The following DLG4 variants were observed in gnomAD, a reference collection of about 807,000 sequenced individuals.
DLG4 encodes discs large MAGUK scaffold protein 4, also known as disks large homolog 4.
In DLG4, 7 loss-of-function variants were observed where a neutral mutation model predicts 93.8. That is an observed-to-expected ratio of 0.07 (90% CI 0.04 to 0.14). The LOEUF (loss-of-function observed/expected upper bound fraction) is 0.14. DLG4 is among the 10% of genes least tolerant of loss of function. The probability of loss-of-function intolerance (pLI) is 1.00; values close to 1 mark genes in which losing one functional copy is unlikely to be tolerated. For synonymous variants in DLG4, 341 were observed against 387.6 expected, an observed-to-expected ratio of 0.88 and a Z score of 1.41; for missense variants, 545 against 992.9, an observed-to-expected ratio of 0.55 and a Z score of 6.06.
rs890784233 is a variant in DLG4 at position 7,189,235 on chromosome 17, T to C, written c.*1473A>G. Among the ~76,000 whole-genome samples, 1 of 151,520 alleles carries C rather than the reference T, an allele frequency of 6.6e-6. No individual in the cohort carries two copies. Among genetic ancestry groups the C allele is most frequent in the African/African-American group, 2.4e-5 (1 of 41,186 alleles). ...GGCCAGGCGCGGTGGCTCACGCCTG[T>C]AATCCCAGCACTTTGGGAGGCTGAG... On this transcript the variant is annotated 3_prime_UTR_variant, in exon 20 of 20. Coordinates refer to ENST00000399506, the MANE Select transcript of DLG4 (RefSeq NM_001321075.3).
rs2069522915 is a variant in DLG4 at position 7,191,964 on chromosome 17, C to T, written c.1905G>A (p.Val635=). Residue 635 remains valine, a synonymous_variant, in exon 18 of 20, where the codon GTG becomes GTA. Coordinates refer to ENST00000399506, the MANE Select transcript of DLG4 (RefSeq NM_001321075.3). This position sits in a 1 kb window ranked among gnomAD's most constrained non-coding sequence, Gnocchi z 6.6. ...GCAGGTGGGCCGCCTGCAGCCGCCGCACGGCATTGGCCGAGACATCGAGGA... is the reference window on the plus strand; with the variant it reads ...GCAGGTGGGCCGCCTGCAGCCGCCGTACGGCATTGGCCGAGACATCGAGGA... The part of the protein sequence containing the change: ...HCILDVSANA[V]RRLQAAHLHP... 1 of 1,481,358 alleles carries T rather than the reference C, an allele frequency of 6.8e-7. No individual in the cohort carries two copies. The allele number at this position is 1,481,358 out of a possible 1,614,324, so 91.8% of individuals were successfully genotyped here.
rs1229833331 is a variant in DLG4, at chr17:7,196,224, T to C, written c.1297A>G (p.Ile433Val). ...LRSNPKRGFY[I>V]RALFDYDKTK... Reference sequence around the variant, plus strand: ...CCAGCCCGGGAAGCCTCTGACCTGATGTAGAAACCCCTTTTGGGGTTGCTC... The same window carrying C: ...CCAGCCCGGGAAGCCTCTGACCTGACGTAGAAACCCCTTTTGGGGTTGCTC... The change falls in exon 11 of 20, where the codon ATC becomes GTC. Residue 433 changes from isoleucine to valine, a missense_variant. By Grantham distance (29) the Ile-to-Val change is conservative. Transcript: ENST00000399506. The surrounding 1 kb of genome is among the most constrained non-coding windows in gnomAD (Gnocchi z 8.3). 6.2e-7 allele frequency: 1 copy of C among 1,613,028 alleles called. No homozygotes were observed. The highest frequency in any genetic ancestry group is 8.5e-7 in the Non-Finnish European group (1 of 1,179,188).
chr17:7,200,854 T>TG (rs2070088382), intron 8 of DLG4, among the ~76,000 whole-genome samples: 1 of 133,144 alleles, frequency 7.5e-6, no homozygotes, highest in Admixed American at 7.5e-5. Context: ...CAGCCTGTTT[T>TG]GGTTTTTTTT....
upstream of DLG4, chr17:7,219,921 T>TGCAGGACGC (rs1555527390): frequency 1.7e-5 from 26 of 1,555,298 alleles, no homozygotes; most frequent in African/African-American, 6.7e-5. Context: ...CGCCAGGACG[T>TGCAGGACGC]GGGCGTGCAG....
chr17:7,193,950 C>T lies in DLG4; in HGVS notation c.1515+14G>A, dbSNP rs759109334. ...CTCACACTTCCACCCAGGCTCACAC[C>T]CTCCTCCACCTACCTTGGCCTTTAA... On this transcript the variant is annotated intron_variant, in intron 13 of 19. Transcript: ENST00000399506. This position sits in a 1 kb window ranked among gnomAD's most constrained non-coding sequence, Gnocchi z 6.7. 1 of 1,613,758 alleles carries T rather than the reference C, an allele frequency of 6.2e-7. No individual in the cohort carries two copies.
In DLG4 at chr17:7,204,026, C is replaced by T. The variant is rs769751994; in HGVS notation, c.192G>A (p.Glu64=). The T allele has an allele frequency of 8.1e-6, 13 of 1,611,406 alleles. No homozygotes were observed. The highest frequency in any genetic ancestry group is 1.0e-5 in the Non-Finnish European group (12 of 1,178,926). ...VNGTEGEMEY[E]EITLERGNSG... is the part of the protein sequence containing the mutation. Reference sequence around the variant, plus strand: ...TGCTCACCCTTTCCAATGTGATTTCCTCGTATTCCATCTCCCCCTCGGTCC... The same window carrying T: ...TGCTCACCCTTTCCAATGTGATTTCTTCGTATTCCATCTCCCCCTCGGTCC... Residue 64 remains glutamate (E), a synonymous_variant, in exon 4 of 20, where the codon GAG becomes GAA. Transcript: ENST00000399506.
chr17:7,216,819 C>T (rs1010549201), intron 1 of DLG4, among the ~76,000 whole-genome samples: 6 of 151,986 alleles, frequency 3.9e-5, no homozygotes, highest in African/African-American at 1.5e-4. Context: ...CAGGCTTCTC[C>T]TTAAATAAGT....
chr17:7,210,767 A>G (rs1169927900), intron 1 of DLG4, among the ~76,000 whole-genome samples: 1 of 152,170 alleles, frequency 6.6e-6, no homozygotes, highest in Admixed American at 6.5e-5. Context: ...GTGCCTCTCC[A>G]TCTTCACTCC....
At chr17:7,199,086 G>GTC (rs2069972816) in intron 8 of DLG4, among the ~76,000 whole-genome samples, 1 of 152,166 alleles carries the variant, frequency 6.6e-6, no homozygotes, top group African/African-American at 2.4e-5. Context: ...ACTCTCTGAG[G>GTC]TAGCTGGTAC....
chr17:7,209,720 T>C (rs905899020), intron 1 of DLG4, among the ~76,000 whole-genome samples: 1 of 151,654 alleles, frequency 6.6e-6, no homozygotes, highest in Non-Finnish European at 1.5e-5. Flanking sequence ...CAGTGAGCCA[T>C]GATCACGCCA....
At chr17:7,207,373 G>A (rs1038150212) in intron 2 of DLG4, among the ~76,000 whole-genome samples, 2 of 152,070 alleles carry the variant, frequency 1.3e-5, no homozygotes, top group African/African-American at 4.8e-5. Flanking sequence ...CCAGCCAGCA[G>A]GGAGGAAAGG....
chr17:7,219,342 A>G, upstream of DLG4: 1 of 944,108 alleles, frequency 1.1e-6, no homozygotes, highest in Non-Finnish European at 1.3e-6. Flanking sequence ...ACAGAAGGGA[A>G]TGTTCAGGAA....
Position 7,188,187 on chromosome 17 carries a change from T to G in DLG4, c.*2521A>C, listed in dbSNP as rs2069345754. On this transcript the variant is annotated 3_prime_UTR_variant, in exon 20 of 20. Coordinates refer to ENST00000399506, the MANE Select transcript of DLG4 (RefSeq NM_001321075.3). ...CTGGTCCCTATCCCCAGGATCCTGA[T>G]GGACTCGGTCCTGCATAGAAAATCC... is the stretch of plus-strand genomic sequence containing the variant. Among the ~76,000 whole-genome samples the G allele has an allele frequency of 6.6e-6, 1 of 152,086 alleles. No homozygotes were observed. Among genetic ancestry groups the G allele is most frequent in the African/African-American group, 2.4e-5 (1 of 41,398 alleles).
In DLG4 at chr17:7,208,059, C is replaced by T; in HGVS notation, c.96+115G>A. On this transcript the variant is annotated intron_variant, in intron 2 of 19. Coordinates refer to ENST00000399506, the MANE Select transcript of DLG4 (RefSeq NM_001321075.3). The surrounding 1 kb of genome is among the most constrained non-coding windows in gnomAD (Gnocchi z 5.4). ...CCGAGGGCCGCACTGGGGAGGGGGC[C>T]ACCAGGGTCTCCTACCTTGAAGGGG... 2 of 1,305,858 alleles carry T rather than the reference C, an allele frequency of 1.5e-6. No homozygotes were observed. Among genetic ancestry groups the T allele is most frequent in the Non-Finnish European group, 2.0e-6 (2 of 1,020,102 alleles). The allele number at this position is 1,305,858 out of a possible 1,614,324, so 80.9% of individuals were successfully genotyped here.
Position 7,192,710 on chromosome 17 carries a change from A to G in DLG4, c.1866+235T>C, listed in dbSNP as rs529334020. On this transcript the variant is annotated intron_variant, in intron 17 of 19. Coordinates refer to ENST00000399506, the MANE Select transcript of DLG4 (RefSeq NM_001321075.3). ...AGGAGAAGGGAGTGGGGAGAGAAAG[A>G]GGCCAGATGGTGGTGGGGAATTTGG... Among the ~76,000 whole-genome samples the G allele has an allele frequency of 2.2e-4, 34 of 151,614 alleles. No homozygotes were observed. In the South Asian group the frequency reaches 4.4e-3, roughly 20 times the overall value.
At chr17:7,190,963 CTTTTTTTTTT>C (rs35868661) in intron 19 of DLG4, 149 bp from the exon 20 acceptor site, 836 of 348,394 alleles carry the variant, frequency 2.4e-3, no homozygotes, top group African/African-American at 4.9e-3. Context: ...AGGGGCACCT[CTTTTTTTTTT>C]TTTTTTTTTT....
At chr17:7,219,959 C>T (rs1001479462), upstream of DLG4, 19 of 1,367,892 alleles carry the variant, frequency 1.4e-5, no homozygotes, top group Admixed American at 1.9e-5. Context: ...AGAGCTCGAG[C>T]CAGCGGCGCC....
At chr17:7,219,173 CAGAAAAAGGGGT>C (rs1341536734), upstream of DLG4, 1 of 399,496 alleles carries the variant, frequency 2.5e-6, no homozygotes, top group Non-Finnish European at 4.5e-6. Flanking sequence ...ATGAGAATTG[CAGAAAAAGGGGT>C]AGAAATTGTT....
Position 7,195,745 on chromosome 17 carries a change from AG to A in DLG4, c.1301+474del, listed in dbSNP as rs1214402026. ...GGGCGGGAGAGAGGTGTGTTTTGGC[AG>A]AAACCTAAGCCACAAAAAGAGTCAA... On this transcript the variant is annotated intron_variant, in intron 11 of 19. Transcript: ENST00000399506. The surrounding 1 kb of genome is among the most constrained non-coding windows in gnomAD (Gnocchi z 4.3). Among the ~76,000 whole-genome samples, 2 of 152,188 alleles carry A rather than the reference AG, an allele frequency of 1.3e-5. No homozygotes were observed. Among genetic ancestry groups the A allele is most frequent in the Non-Finnish European group, 2.9e-5 (2 of 68,026 alleles).
Sources: gnomAD v4.1 joint callset for allele counts (sites outside exome capture counted in the v4.1 genomes callset) on GRCh38, gnomAD v4.1.1 for gene constraint, Gnocchi (gnomAD v3.1) non-coding constraint, MANE v1.5 for transcripts, NCBI Gene and HGNC (gene_info 2026-07-23, HGNC 2026-07-21) for gene names.